The following UBAP1 variants were observed in gnomAD, a reference collection of about 807,000 sequenced individuals.
The protein encoded by UBAP1 is ubiquitin associated protein 1.
In UBAP1, 5 loss-of-function variants were observed where a neutral mutation model predicts 39.0. The observed-to-expected ratio is 0.13, with a 90% CI of 0.07 to 0.27. UBAP1 has a LOEUF of 0.27. UBAP1 is among the 10% of genes least tolerant of loss of function. The pLI is 1.00. For missense variants in UBAP1, 490 were observed against 608.1 expected, an observed-to-expected ratio of 0.81 and a Z score of 2.04; for synonymous variants, 211 against 225.1, an observed-to-expected ratio of 0.94 and a Z score of 0.56.
chr9:34,190,140 C>G (rs920746264), intron 1 of UBAP1, among the ~76,000 whole-genome samples: 1 of 152,090 alleles, frequency 6.6e-6, no homozygotes, highest in Non-Finnish European at 1.5e-5. Context: ...ACAAGTTTAC[C>G]TATGTAACAA....
At chr9:34,196,066 C>T (rs2131522361) in intron 1 of UBAP1, among the ~76,000 whole-genome samples, 1 of 147,682 alleles carries the variant, frequency 6.8e-6, no homozygotes, top group African/African-American at 2.5e-5. Context: ...CACAAACACG[C>T]TACCATGTCT....
chr9:34,196,440 C>T (rs530913571), intron 1 of UBAP1, among the ~76,000 whole-genome samples: 40 of 151,776 alleles, frequency 2.6e-4, no homozygotes, highest in Non-Finnish European at 4.3e-4. Context: ...CTCAGCCTCC[C>T]GAGTAGCTGG....
At chr9:34,237,839 A>T (rs1833779504) in intron 3 of UBAP1, among the ~76,000 whole-genome samples, 1 of 152,208 alleles carries the variant, frequency 6.6e-6, no homozygotes, top group Non-Finnish European at 1.5e-5. Flanking sequence ...AAGTGCTGGG[A>T]TTACAGGTGT....
intron 1 of UBAP1, among the ~76,000 whole-genome samples, chr9:34,204,862 C>T (rs1042454427): frequency 1.3e-5 from 2 of 152,054 alleles, no homozygotes; most frequent in Non-Finnish European, 2.9e-5. Flanking sequence ...AGTCTTTATT[C>T]AGTTGCAAGA....
In UBAP1 at chr9:34,222,976, C is replaced by G. The variant is rs146176362; in HGVS notation, c.34+2028C>G. Among the ~76,000 whole-genome samples, 661 of 152,310 alleles carry G rather than the reference C, an allele frequency of 4.3e-3. 23 individuals carry two copies. The highest frequency in any genetic ancestry group is 0.039 in the Admixed American group (600 of 15,292). Reference sequence around the variant, plus strand: ...AAAAATGAAAAATTTACACTTATTTCAAAAGATAGACTTTCTGTTTTGAAT... The same window carrying G: ...AAAAATGAAAAATTTACACTTATTTGAAAAGATAGACTTTCTGTTTTGAAT... On this transcript the variant is annotated intron_variant, in intron 2 of 6. Transcript: ENST00000297661.
At chr9:34,188,524 C>T (rs55649290) in intron 1 of UBAP1, among the ~76,000 whole-genome samples, 1 of 151,490 alleles carries the variant, frequency 6.6e-6, no homozygotes, top group African/African-American at 2.4e-5. Context: ...GCTTCGGCCT[C>T]CCCAAGTGCT....
chr9:34,228,285 G>A (rs183586084), intron 2 of UBAP1, among the ~76,000 whole-genome samples: 51 of 151,756 alleles, frequency 3.4e-4, no homozygotes, highest in African/African-American at 1.2e-3. Flanking sequence ...AGGCGTGGTG[G>A]CAGGCACCTG....
rs1313999721 is a variant in UBAP1, at chr9:34,242,100, G to A, written c.1075G>A (p.Gly359Ser). The A allele has an allele frequency of 6.3e-7, 1 of 1,587,862 alleles. No individual in the cohort carries two copies. Among genetic ancestry groups the A allele is most frequent in the South Asian group, 1.1e-5 (1 of 90,010 alleles). Residue 359 changes from glycine (G) to serine (S), a missense_variant, in exon 4 of 7, where the codon GGT becomes AGT. Transcript: ENST00000297661. ...CTEESSPPNT[G>S]PTVTPPNFSV... Reference sequence around the variant, plus strand: ...AGAGGAATCATCACCTCCAAATACTGGTCCCACGGTAAGTCTTTTAAATCC... The same window carrying A: ...AGAGGAATCATCACCTCCAAATACTAGTCCCACGGTAAGTCTTTTAAATCC...
chr9:34,219,741 T>G (rs1273606967), intron 1 of UBAP1, among the ~76,000 whole-genome samples: 2 of 26,038 alleles, frequency 7.7e-5, no homozygotes, highest in Middle Eastern at 0.029. Flanking sequence ...CCCCTCCCCC[T>G]TCCCCTCCCC....
intron 1 of UBAP1, among the ~76,000 whole-genome samples, chr9:34,213,105 G>C (rs1325464676): frequency 6.6e-6 from 1 of 152,128 alleles, no homozygotes; most frequent in Non-Finnish European, 1.5e-5. Context: ...AAAGTCACAT[G>C]ATCATCTCAA....
chr9:34,206,549 G>A (rs1831704884), intron 1 of UBAP1, among the ~76,000 whole-genome samples: 3 of 147,344 alleles, frequency 2.0e-5, no homozygotes, highest in African/African-American at 7.5e-5. Flanking sequence ...AAATCAGTTA[G>A]TGACAAAACT....
chr9:34,217,295 G>A (rs1228825645), intron 1 of UBAP1, among the ~76,000 whole-genome samples: 1 of 152,066 alleles, frequency 6.6e-6, no homozygotes, highest in South Asian at 2.1e-4. Flanking sequence ...GGAGTGCAGT[G>A]GCATGATCTC....
At chr9:34,184,702 A>G (rs1830290708) in intron 1 of UBAP1, among the ~76,000 whole-genome samples, 2 of 148,730 alleles carry the variant, frequency 1.3e-5, no homozygotes. Flanking sequence ...GGCTCACTGT[A>G]ACCTCCACCT....
chr9:34,248,852 T>A (rs1834317715), intron 4 of UBAP1, among the ~76,000 whole-genome samples: 1 of 152,224 alleles, frequency 6.6e-6, no homozygotes, highest in Non-Finnish European at 1.5e-5. Context: ...AATTTTTGTG[T>A]GAACATCTTC....
At chr9:34,194,873 A>G (rs892765608) in intron 1 of UBAP1, among the ~76,000 whole-genome samples, 3 of 152,202 alleles carry the variant, frequency 2.0e-5, no homozygotes, top group African/African-American at 7.2e-5. Flanking sequence ...ACTGCTTTGA[A>G]TAAGTTCTGA....
At chr9:34,192,094 A>G (rs997726778) in intron 1 of UBAP1, among the ~76,000 whole-genome samples, 11 of 151,200 alleles carry the variant, frequency 7.3e-5, no homozygotes, top group Non-Finnish European at 1.0e-4. Context: ...TCGTCCCTCC[A>G]TGGCCTCCTA....
rs1273914203 is a variant in UBAP1 at position 34,215,762 on chromosome 9, CACACACAT to C, written c.-7-5142_-7-5135del. On this transcript the variant is annotated intron_variant, in intron 1 of 6. Coordinates refer to ENST00000297661, the MANE Select transcript of UBAP1 (RefSeq NM_016525.5). ...GTACATATATATATGTACACACACA[CACACACAT>C]ACATGTATGTACATATATATAAAAG... 8.6e-5 allele frequency among the ~76,000 whole-genome samples: 13 copies of C among 151,874 alleles called. 1 individual carries two copies. Among genetic ancestry groups the C allele is most frequent in the Non-Finnish European group, 1.5e-4 (10 of 67,968 alleles).
At chr9:34,199,657 A>G (rs944544932) in intron 1 of UBAP1, among the ~76,000 whole-genome samples, 1 of 149,800 alleles carries the variant, frequency 6.7e-6, no homozygotes, top group African/African-American at 2.5e-5. Context: ...TTTTTGAGAC[A>G]GGGTCTCATT....
chr9:34,228,438 A>G (rs1833222847), intron 2 of UBAP1, among the ~76,000 whole-genome samples: 1 of 151,808 alleles, frequency 6.6e-6, no homozygotes, highest in Non-Finnish European at 1.5e-5. Flanking sequence ...AAAAAAAGAA[A>G]AAGAAAAGCT....
Sources: gnomAD v4.1 joint callset for allele counts (sites outside exome capture counted in the v4.1 genomes callset) on GRCh38, gnomAD v4.1.1 for gene constraint, MANE v1.5 for transcripts, NCBI Gene and HGNC (gene_info 2026-07-23, HGNC 2026-07-21) for gene names.